DOP1A: variants seen among roughly 807,000 people sequenced by gnomAD.
DOP1A encodes DOP1 leucine zipper like protein A.
Under a neutral mutation model 267.6 loss-of-function variants are expected in DOP1A, and 90 were observed. The ratio of observed to expected loss-of-function variants is 0.34; its 90% CI spans 0.28 to 0.40. The LOEUF is 0.40. Among genes scored for constraint, DOP1A ranks in the 10% least tolerant of loss-of-function variants. The pLI is 1.00. For synonymous variants in DOP1A, 932 were observed against 999.1 expected, an observed-to-expected ratio of 0.93 and a Z score of 1.27; for missense variants, 2,437 against 2,900.4, an observed-to-expected ratio of 0.84 and a Z score of 3.67.
chr6:83,086,237 C>T (rs1243167707), intron 1 of DOP1A, among the ~76,000 whole-genome samples: 1 of 152,120 alleles, frequency 6.6e-6, no homozygotes, highest in South Asian at 2.1e-4. Flanking sequence ...GGTTGATTAA[C>T]ACATTTGTAG....
intron 4 of DOP1A, among the ~76,000 whole-genome samples, chr6:83,103,589 T>C (rs1453453422): frequency 6.6e-6 from 1 of 152,208 alleles, no homozygotes; most frequent in Non-Finnish European, 1.5e-5. Context: ...TCCCCACTTA[T>C]TAGGTCTTCC....
intron 25 of DOP1A, among the ~76,000 whole-genome samples, chr6:83,146,884 AC>A (rs1323718217): frequency 5.9e-5 from 9 of 152,178 alleles, no homozygotes; most frequent in African/African-American, 1.9e-4. Flanking sequence ...AAAAATCTCA[AC>A]CTCATTCTGA....
At chr6:83,099,704 GTGTGTA>G (rs1455795279) in intron 3 of DOP1A, among the ~76,000 whole-genome samples, 1 of 88,706 alleles carries the variant, frequency 1.1e-5, no homozygotes, top group Admixed American at 1.4e-4. Context: ...GTGTGTGTGT[GTGTGTA>G]TATACATATA....
intron 1 of DOP1A, among the ~76,000 whole-genome samples, chr6:83,072,130 G>T (rs188425200): frequency 1.3e-5 from 2 of 152,032 alleles, no homozygotes; most frequent in African/African-American, 4.8e-5. Flanking sequence ...AAGGAGTTTC[G>T]TATGAACATA....
intron 37 of DOP1A, among the ~76,000 whole-genome samples, chr6:83,162,406 T>A (rs1314990884): frequency 6.6e-6 from 1 of 152,184 alleles, no homozygotes; most frequent in Non-Finnish European, 1.5e-5. Context: ...CAAGTCTTTG[T>A]CAGACTGTTA....
At chr6:83,148,599 A>T (rs1185748440) in intron 26 of DOP1A, among the ~76,000 whole-genome samples, 160 bp from the exon 27 acceptor site, 1 of 152,186 alleles carries the variant, frequency 6.6e-6, no homozygotes, top group Non-Finnish European at 1.5e-5. Context: ...AATTGCATTG[A>T]TATTTCAACT....
intron 25 of DOP1A, among the ~76,000 whole-genome samples, chr6:83,146,280 A>G (rs1780637570): frequency 6.6e-6 from 1 of 152,218 alleles, no homozygotes; most frequent in Non-Finnish European, 1.5e-5. Context: ...CCCAGAAAGT[A>G]TTTACCAACT....
intron 20 of DOP1A, 85 bp from the exon 21 acceptor site, chr6:83,137,088 A>G: frequency 8.1e-7 from 1 of 1,236,596 alleles, no homozygotes. Context: ...ATGATTAAAA[A>G]TTTTGATCAG....
chr6:83,162,976 G>C, intron 38 of DOP1A, 57 bp downstream of exon 38: 1 of 1,503,884 alleles, frequency 6.6e-7, no homozygotes, highest in East Asian at 2.3e-5. Context: ...GCATTAGTGA[G>C]GTATTTATTA....
downstream of DOP1A, chr6:83,170,675 G>C: frequency 1.9e-6 from 1 of 513,992 alleles, no homozygotes; most frequent in Non-Finnish European, 3.4e-6. Context: ...AATTACCTTT[G>C]GCAAAAAATA....
intron 3 of DOP1A, among the ~76,000 whole-genome samples, chr6:83,097,628 ATTC>A (rs1771731691): frequency 6.6e-6 from 1 of 152,162 alleles, no homozygotes; most frequent in Non-Finnish European, 1.5e-5. Flanking sequence ...TCCTTGAGTA[ATTC>A]TTCTTGAGAC....
chr6:83,099,828 C>G (rs1056652640), intron 3 of DOP1A, among the ~76,000 whole-genome samples: 1 of 151,348 alleles, frequency 6.6e-6, no homozygotes, highest in Non-Finnish European at 1.5e-5. Flanking sequence ...TATATTATGG[C>G]AAAAAAACAC....
chr6:83,114,602 A>G (rs553895314), intron 7 of DOP1A, among the ~76,000 whole-genome samples: 2 of 152,298 alleles, frequency 1.3e-5, no homozygotes, highest in South Asian at 2.1e-4. Context: ...TTACTTTCCA[A>G]ACATTCAACA....
chr6:83,167,685 T>C, intron 38 of DOP1A, 177 bp from the exon 39 acceptor site: 1 of 1,380,778 alleles, frequency 7.2e-7, no homozygotes, highest in Admixed American at 3.3e-5. Flanking sequence ...GTAAAACTAA[T>C]AAATGGCAGT....
intron 1 of DOP1A, among the ~76,000 whole-genome samples, chr6:83,087,816 G>A (rs571396485): frequency 5.9e-5 from 9 of 152,176 alleles, no homozygotes; most frequent in Non-Finnish European, 1.0e-4. Flanking sequence ...ACTAGAAGGC[G>A]ACAGGACAAG....
intron 6 of DOP1A, 151 bp downstream of exon 6, chr6:83,110,465 T>A: frequency 1.3e-6 from 1 of 778,214 alleles, no homozygotes; most frequent in Admixed American, 3.5e-5. Flanking sequence ...AAAATAATAA[T>A]TATTATTTTT....
At chr6:83,152,093 T>G in intron 29 of DOP1A, 66 bp downstream of exon 29, 1 of 1,584,776 alleles carries the variant, frequency 6.3e-7, no homozygotes, top group Non-Finnish European at 8.7e-7. Flanking sequence ...GAAATCATTT[T>G]GCCTAGCACT....
intron 1 of DOP1A, among the ~76,000 whole-genome samples, chr6:83,089,176 G>A (rs1027560709): frequency 2.0e-5 from 3 of 152,206 alleles, no homozygotes; most frequent in Admixed American, 2.0e-4. Context: ...AATGCAGCTA[G>A]TGATAAGCAA....
At chr6:83,133,768 T>C (rs1778442513) in intron 18 of DOP1A, among the ~76,000 whole-genome samples, 1 of 152,098 alleles carries the variant, frequency 6.6e-6, no homozygotes. Flanking sequence ...TTGGGATTAA[T>C]GTATCATTTC....
Sources: allele counts gnomAD v4.1 joint callset (sites outside exome capture counted in the v4.1 genomes callset), GRCh38; gene constraint gnomAD v4.1.1; transcripts MANE v1.5; gene names NCBI Gene and HGNC (gene_info 2026-07-23, HGNC 2026-07-21).